The following PPP3CA variants were observed in gnomAD, a reference collection of about 807,000 sequenced individuals.
PPP3CA encodes the protein protein phosphatase 3 catalytic subunit alpha.
In PPP3CA, 14 loss-of-function variants were observed where a neutral mutation model predicts 66.5. That is an observed-to-expected ratio of 0.21 (90% CI 0.14 to 0.33). PPP3CA has a LOEUF of 0.33. Ranked by LOEUF, PPP3CA falls within the 10% of genes least tolerant of loss-of-function variation. The probability of loss-of-function intolerance (pLI) is 1.00; values close to 1 mark genes in which losing one functional copy is unlikely to be tolerated. For synonymous variants in PPP3CA, 232 were observed against 226.2 expected, an observed-to-expected ratio of 1.03 and a Z score of -0.23; for missense variants, 317 against 639.5, an observed-to-expected ratio of 0.50 and a Z score of 5.44.
At chr4:101,183,961 TG>T (rs1369533462) in intron 2 of PPP3CA, among the ~76,000 whole-genome samples, 1 of 152,154 alleles carries the variant, frequency 6.6e-6, no homozygotes, top group Non-Finnish European at 1.5e-5. Context: ...GCTTTCTAAC[TG>T]TAAGTAGCAA....
At chr4:101,066,677 A>C (rs1296375305) in intron 8 of PPP3CA, among the ~76,000 whole-genome samples, 1 of 152,070 alleles carries the variant, frequency 6.6e-6, no homozygotes. Flanking sequence ...TATAACACAG[A>C]AATACATGAG....
chr4:101,106,589 T>C (rs534160353), intron 3 of PPP3CA, among the ~76,000 whole-genome samples: 2 of 152,256 alleles, frequency 1.3e-5, no homozygotes, highest in East Asian at 3.9e-4. Flanking sequence ...TTGCTGTTTA[T>C]TGCCTACCAC....
chr4:101,268,840 T>C (rs568413502), intron 1 of PPP3CA, among the ~76,000 whole-genome samples: 1 of 152,290 alleles, frequency 6.6e-6, no homozygotes, highest in East Asian at 1.9e-4. Flanking sequence ...CAATTTGATG[T>C]CTATGCTGTG....
At chr4:101,265,559 A>C (rs983703044) in intron 1 of PPP3CA, among the ~76,000 whole-genome samples, 1 of 152,240 alleles carries the variant, frequency 6.6e-6, no homozygotes, top group African/African-American at 2.4e-5. Context: ...GGAAAGGATA[A>C]CTAAACATGA....
At chr4:101,273,645 G>T (rs967545476) in intron 1 of PPP3CA, among the ~76,000 whole-genome samples, 3 of 152,146 alleles carry the variant, frequency 2.0e-5, no homozygotes, top group Admixed American at 2.0e-4. Context: ...CATATTTTAT[G>T]ATGACAGTTC....
In PPP3CA at chr4:101,287,182, A is replaced by G. The variant is rs535108097; in HGVS notation, c.58+59557T>C. On this transcript the variant is annotated intron_variant, in intron 1 of 13. Transcript: ENST00000394854. ...TTTCATTTCTGAAACCCAGTAACTGACAGACAAAAAAAAATAGTTACTAGC... is the reference window on the plus strand; with the variant it reads ...TTTCATTTCTGAAACCCAGTAACTGGCAGACAAAAAAAAATAGTTACTAGC... Among the ~76,000 whole-genome samples the G allele has an allele frequency of 6.6e-5, 10 of 152,320 alleles. No individual in the cohort carries two copies. In the East Asian group the frequency reaches 1.9e-3, roughly 29 times the overall value.
At chr4:101,153,975 T>C (rs553843169) in intron 2 of PPP3CA, among the ~76,000 whole-genome samples, 7 of 151,990 alleles carry the variant, frequency 4.6e-5, no homozygotes, top group South Asian at 2.1e-4. Flanking sequence ...TGCTGCTCTC[T>C]GGTAAAAGTT....
chr4:101,127,237 C>G (rs1036648027), intron 2 of PPP3CA, among the ~76,000 whole-genome samples: 12 of 151,864 alleles, frequency 7.9e-5, no homozygotes, highest in African/African-American at 2.7e-4. Flanking sequence ...AGTTCCTCTA[C>G]TTTGAATGTC....
chr4:101,045,033 C>T (rs947881376), intron 10 of PPP3CA, among the ~76,000 whole-genome samples: 1 of 152,352 alleles, frequency 6.6e-6, no homozygotes, highest in African/African-American at 2.4e-5. Flanking sequence ...CTCTGACTTC[C>T]AGCTCAGTTA....
intron 1 of PPP3CA, among the ~76,000 whole-genome samples, chr4:101,341,675 T>A (rs990217222): frequency 6.6e-6 from 1 of 152,138 alleles, no homozygotes; most frequent in Non-Finnish European, 1.5e-5. Flanking sequence ...CTTTTATGTA[T>A]AGAGAAAGTT....
At position 101,032,331 on chromosome 4, in the gene PPP3CA, G is replaced by T; in HGVS notation, c.1275C>A (p.Gly425=). 1 of 1,613,150 alleles carries T rather than the reference G, an allele frequency of 6.2e-7. No homozygotes were observed. Among genetic ancestry groups the T allele is most frequent in the Non-Finnish European group, 8.5e-7 (1 of 1,179,526 alleles). ...EESESVLTLK[G]LTPTGMLPSG... is the part of the protein sequence containing the mutation. ...TGGGGAGCATGCCAGTTGGGGTCAA[G>T]CCTTTCAGCGTCAGCACACTCTCAC... Residue 425 remains glycine, a synonymous_variant, in exon 12 of 14, where the codon GGC becomes GGA. Transcript: ENST00000394854.
chr4:101,172,822 A>G (rs1277945941), intron 2 of PPP3CA, among the ~76,000 whole-genome samples: 3 of 152,146 alleles, frequency 2.0e-5, no homozygotes, highest in Non-Finnish European at 4.4e-5. Context: ...TTCTTTCTAA[A>G]ACCCACGTCC....
intron 1 of PPP3CA, among the ~76,000 whole-genome samples, chr4:101,212,185 T>C (rs1725318166): frequency 6.6e-6 from 1 of 152,210 alleles, no homozygotes; most frequent in East Asian, 1.9e-4. Context: ...AACTCTCATT[T>C]GGCATATATA....
chr4:101,119,051 G>C (rs999263852), intron 2 of PPP3CA, among the ~76,000 whole-genome samples: 4 of 149,242 alleles, frequency 2.7e-5, no homozygotes, highest in Non-Finnish European at 4.4e-5. Context: ...ATGTGAAACA[G>C]CAGACAGGGC....
At chr4:101,152,687 CCAGT>C (rs1475567133) in intron 2 of PPP3CA, among the ~76,000 whole-genome samples, 1 of 152,146 alleles carries the variant, frequency 6.6e-6, no homozygotes, top group Non-Finnish European at 1.5e-5. Flanking sequence ...AACCAATCAA[CCAGT>C]CAATCTGCAA....
intron 2 of PPP3CA, among the ~76,000 whole-genome samples, chr4:101,172,889 CTACTT>C (rs1723931709): frequency 6.6e-6 from 1 of 152,136 alleles, no homozygotes; most frequent in Non-Finnish European, 1.5e-5. Flanking sequence ...ACTTGCAATG[CTACTT>C]TATTTTCACA....
chr4:101,136,899 C>T (rs1722640975), intron 2 of PPP3CA, among the ~76,000 whole-genome samples: 1 of 152,026 alleles, frequency 6.6e-6, no homozygotes, highest in African/African-American at 2.4e-5. Context: ...ACTCAACATA[C>T]GTGGTTCCAA....
chr4:101,101,931 G>A (rs966143406), intron 3 of PPP3CA, among the ~76,000 whole-genome samples: 1 of 152,092 alleles, frequency 6.6e-6, no homozygotes, highest in African/African-American at 2.4e-5. Flanking sequence ...ACCACTAGAG[G>A]AATCACATTC....
At chr4:101,061,589 G>A (rs1056027582) in intron 9 of PPP3CA, among the ~76,000 whole-genome samples, 12 of 152,006 alleles carry the variant, frequency 7.9e-5, no homozygotes, top group African/African-American at 2.2e-4. Flanking sequence ...AGAACTTCAC[G>A]CCATTATAGG....
Sources: allele counts gnomAD v4.1 joint callset (sites outside exome capture counted in the v4.1 genomes callset), GRCh38; gene constraint gnomAD v4.1.1; transcripts MANE v1.5; gene names NCBI Gene and HGNC (gene_info 2026-07-23, HGNC 2026-07-21).